LIAS: variants seen among roughly 807,000 people sequenced by gnomAD.
The protein encoded by LIAS is lipoyl synthase, mitochondrial.
A neutral mutation model predicts 49.4 loss-of-function variants in LIAS; 36 were observed. That is an observed-to-expected ratio of 0.73 (90% CI 0.56 to 0.96). The LOEUF is 0.96. Ranked by LOEUF, LIAS falls within the 40% of genes least tolerant of loss-of-function variation. The pLI, the probability that LIAS is intolerant of heterozygous loss-of-function variation, is 0.00. For synonymous variants in LIAS, 145 were observed against 155.8 expected, an observed-to-expected ratio of 0.93 and a Z score of 0.52; for missense variants, 399 against 456.3, an observed-to-expected ratio of 0.87 and a Z score of 1.14.
chr4:39,461,654 C>T lies in LIAS; in HGVS notation c.219-542C>T, dbSNP rs556036449. Among the ~76,000 whole-genome samples, 205 of 152,256 alleles carry T rather than the reference C, an allele frequency of 1.3e-3. 1 individual carries two copies. The highest frequency in any genetic ancestry group is 2.6e-3 in the Admixed American group (40 of 15,292). On this transcript the variant is annotated intron_variant, in intron 2 of 10. Coordinates refer to ENST00000640888, the MANE Select transcript of LIAS (RefSeq NM_006859.4). The stretch of plus-strand genomic sequence containing the variant: ...ACTCTGCCTTTGCAAAAAAGGTAGA[C>T]GTGAGTATAGCGCCCTGTTACACTC...
At chr4:39,470,304 A>G (rs771491179) in intron 8 of LIAS, 140 bp downstream of exon 8, 3 of 548,040 alleles carry the variant, frequency 5.5e-6, no homozygotes, top group Non-Finnish European at 9.2e-6. Flanking sequence ...CAACTTGCAC[A>G]TGCACCCTCA....
intron 7 of LIAS, chr4:39,469,728 T>C (rs1363273028): frequency 7.6e-5 from 21 of 276,926 alleles, no homozygotes; most frequent in South Asian, 2.1e-4. Flanking sequence ...TCTGCTTTTT[T>C]TCCTTTCTCT....
In LIAS at chr4:39,479,496, C is replaced by T. The variant is rs1328725745; in HGVS notation, c.*2381C>T. The T allele has an allele frequency of 2.3e-5, 2 of 86,420 alleles. No individual in the cohort carries two copies. The highest frequency in any genetic ancestry group is 3.9e-5 in the African/African-American group (1 of 25,394). 5.4% of individuals were successfully genotyped at this position (86,420 alleles called of 1,614,324 possible). ...CACCATTGCACTCCAGCCTGGACAA[C>T]GAGTGAAACTCCTCAAAAAAAAAAA... On this transcript the variant is annotated 3_prime_UTR_variant, in exon 11 of 11. Transcript: ENST00000640888.
At chr4:39,463,839 T>C in intron 4 of LIAS, 1 of 726,522 alleles carries the variant, frequency 1.4e-6, no homozygotes, top group Non-Finnish European at 1.9e-6. Flanking sequence ...AATCACGTGC[T>C]GCCTTGAGAT....
In LIAS at chr4:39,460,855, A is replaced by C. The variant is rs369602889; in HGVS notation, c.111A>C (p.Glu37Asp). The change falls in exon 2 of 11, where the codon GAA (glutamate) becomes GAC (aspartate). Residue 37 changes from glutamate to aspartate, a missense_variant. Physicochemically the swap from Glu to Asp is conservative, Grantham distance 45 (BLOSUM62 2). Around this residue, in one of 3 missense-constraint regions of LIAS, gnomAD observed 159 missense variants for 147.6 expected, o/e 1.08. Transcript: ENST00000640888. Reference protein sequence around the residue: ...PLSSLPDKKKELLQNGPDLQD... With the variant: ...PLSSLPDKKKDLLQNGPDLQD... ...GCTCCTTGCCAGATAAAAAAAAGGA[A>C]CTCCTACAGAATGGACCAGACCTTC... 24 of 1,609,626 alleles carry C rather than the reference A, an allele frequency of 1.5e-5. No homozygotes were observed. Among genetic ancestry groups the C allele is most frequent in the Non-Finnish European group, 2.0e-5 (24 of 1,178,700 alleles).
At chr4:39,464,801 C>A (rs1294574975) in intron 4 of LIAS, among the ~76,000 whole-genome samples, 1 of 152,082 alleles carries the variant, frequency 6.6e-6, no homozygotes, top group African/African-American at 2.4e-5. Context: ...TTAAATTTTG[C>A]GTCCTTTCCT....
intron 7 of LIAS, chr4:39,468,519 ATATT>A (rs1216428648): frequency 4.9e-5 from 7 of 142,336 alleles, no homozygotes; most frequent in Admixed American, 2.1e-4. Context: ...ATATATATAT[ATATT>A]TTTTTATATT....
chr4:39,468,596 G>A (rs1420407846), intron 7 of LIAS, among the ~76,000 whole-genome samples: 4 of 143,728 alleles, frequency 2.8e-5, no homozygotes, highest in Non-Finnish European at 6.0e-5. Context: ...AAATGATGCA[G>A]AAGAAAAACT....
chr4:39,470,164 G>T lies in LIAS; in HGVS notation c.883G>T (p.Ala295Ser). 6.2e-7 allele frequency: 1 copy of T among 1,604,936 alleles called. No homozygotes were observed. Among genetic ancestry groups the T allele is most frequent in the Non-Finnish European group, 8.5e-7 (1 of 1,173,908 alleles). The stretch of plus-strand genomic sequence containing the variant: ...TGAGCAAGTATATGCAACAATGAAA[G>T]GTAAAGAAATTGAAAAATGAAAAAT... ...NDEQVYATMKALREADVDCLT... is the reference protein window; with the variant it reads ...NDEQVYATMKSLREADVDCLT... Residue 295 changes from alanine (A) to serine (S), a missense_variant and splice_region_variant, in exon 8 of 11, where the codon GCA (alanine) becomes TCA (serine). By Grantham distance (99) the Ala-to-Ser change is moderately conservative. Coordinates refer to ENST00000640888, the MANE Select transcript of LIAS (RefSeq NM_006859.4).
intron 1 of LIAS, 158 bp downstream of exon 1, chr4:39,459,320 C>T: frequency 1.5e-6 from 1 of 650,426 alleles, no homozygotes; most frequent in Non-Finnish European, 2.6e-6. Context: ...GTAATTATCC[C>T]GCCAGCCCCA....
At chr4:39,463,221 G>A (rs1303388878) in intron 3 of LIAS, among the ~76,000 whole-genome samples, 2 of 151,882 alleles carry the variant, frequency 1.3e-5, no homozygotes, top group African/African-American at 4.8e-5. Context: ...GAGTAGCTGG[G>A]AGTATAGGTG....
At chr4:39,465,395 T>G in intron 6 of LIAS, 53 bp downstream of exon 6, 1 of 1,444,508 alleles carries the variant, frequency 6.9e-7, no homozygotes, top group Non-Finnish European at 9.4e-7. Flanking sequence ...CCCATATGAG[T>G]TAAGTTTAAG....
chr4:39,473,822 T>G (rs1745078877), intron 10 of LIAS: 1 of 152,210 alleles, frequency 6.6e-6, no homozygotes. Flanking sequence ...TGAATTGATT[T>G]ATGAAAAGAA....
chr4:39,463,386 A>T (rs1312352328), intron 3 of LIAS, 139 bp from the exon 4 acceptor site: 2 of 1,178,862 alleles, frequency 1.7e-6, no homozygotes, highest in Non-Finnish European at 1.1e-6. Context: ...ACTTGGTCTT[A>T]ACAGCATTTT....
intron 10 of LIAS, chr4:39,473,871 T>C (rs1223150090): frequency 6.6e-6 from 1 of 152,210 alleles, no homozygotes; most frequent in African/African-American, 2.4e-5. Flanking sequence ...GTGATAATGA[T>C]TGTCGGAGGA....
At chr4:39,464,188 T>C (rs1744667301) in intron 4 of LIAS, 1 of 152,060 alleles carries the variant, frequency 6.6e-6, no homozygotes, top group Non-Finnish European at 1.5e-5. Flanking sequence ...TTTTAAAAAT[T>C]AGCTGGGCAT....
Position 39,473,210 on chromosome 4 carries a change from A to T in LIAS, c.1065A>T (p.Ala355=), listed in dbSNP as rs765479168. 1.3e-6 allele frequency: 2 copies of T among 1,583,960 alleles called. No homozygotes were observed. Among genetic ancestry groups the T allele is most frequent in the Admixed American group, 3.3e-5 (2 of 59,946 alleles). The change falls in exon 10 of 11, where the codon GCA becomes GCT. Residue 355 remains alanine, a splice_region_variant and synonymous_variant. Transcript: ENST00000640888. The stretch of plus-strand genomic sequence containing the variant: ...CTTTGGTGCGTTCTTCATATAAAGC[A>T]GGTAAGTTAGATTGTGGGGCATGGT... ...SGPLVRSSYK[A]GEFFLKNLVA...
rs1745056371 is a variant in LIAS at position 39,473,129 on chromosome 4, C to T, written c.984C>T (p.Phe328=). 1 of 1,608,692 alleles carries T rather than the reference C, an allele frequency of 6.2e-7. No individual in the cohort carries two copies. Among genetic ancestry groups the T allele is most frequent in the Admixed American group, 1.7e-5 (1 of 59,972 alleles). ...AAGAATATATTACTCCTGAAAAATT[C>T]AAATACTGGGAAAAAGTAGGAAATG... ...KVEEYITPEK[F]KYWEKVGNEL... Residue 328 remains phenylalanine, a synonymous_variant, in exon 10 of 11, where the codon TTC becomes TTT. Transcript: ENST00000640888.
At chr4:39,473,256 T>C (rs777520134) in intron 10 of LIAS, 45 bp downstream of exon 10, 1 of 1,186,904 alleles carries the variant, frequency 8.4e-7, no homozygotes, top group Non-Finnish European at 1.3e-6. Flanking sequence ...CCGTTAACTT[T>C]CCACATTAAG....
Sources: gnomAD v4.1 joint callset for allele counts (sites outside exome capture counted in the v4.1 genomes callset) on GRCh38, gnomAD v4.1.1 for gene constraint, gnomAD v4.1.1 regional missense constraint, MANE v1.5 for transcripts, NCBI Gene and HGNC (gene_info 2026-07-23, HGNC 2026-07-21) for gene names.